SOX5: variants seen among roughly 807,000 people sequenced by gnomAD.
The protein encoded by SOX5 is transcription factor SOX-5.
A neutral mutation model predicts 92.0 loss-of-function variants in SOX5; 9 were observed. The ratio of observed to expected loss-of-function variants is 0.10; its 90% CI spans 0.06 to 0.17. The LOEUF (loss-of-function observed/expected upper bound fraction) is 0.17, where lower values mean the gene tolerates loss of function less well. Among genes scored for constraint, SOX5 ranks in the 10% least tolerant of loss-of-function variants. SOX5 has a pLI of 1.00. For synonymous variants in SOX5, 344 were observed against 336.3 expected (o/e 1.02, Z -0.25); for missense variants, 642 against 944.5 (o/e 0.68, Z 4.20).
At chr12:24,232,547 A>G (rs559982646) in intron 3 of SOX5, among the ~76,000 whole-genome samples, 1 of 152,222 alleles carries the variant, frequency 6.6e-6, no homozygotes, top group East Asian at 1.9e-4. Context: ...GATCATTAAG[A>G]TCAAAGTTGC....
At chr12:23,940,355 T>A (rs543503499) in intron 1 of SOX5, among the ~76,000 whole-genome samples, 1 of 151,296 alleles carries the variant, frequency 6.6e-6, no homozygotes, top group South Asian at 2.1e-4. Context: ...CTTGTTCCTG[T>A]GTAATGATAC....
chr12:24,347,765 A>G (rs552828266), intron 2 of SOX5, among the ~76,000 whole-genome samples: 1 of 152,328 alleles, frequency 6.6e-6, no homozygotes, highest in African/African-American at 2.4e-5. Flanking sequence ...GTATTAAACT[A>G]TCTGTCATGA....
intron 2 of SOX5, among the ~76,000 whole-genome samples, chr12:24,281,478 C>T (rs186400753): frequency 1.7e-4 from 26 of 152,310 alleles, no homozygotes; most frequent in South Asian, 6.2e-4. Flanking sequence ...CCATTTTCTA[C>T]GGCTGGGCCG....
intron 2 of SOX5, among the ~76,000 whole-genome samples, chr12:24,364,151 C>T (rs1393178170): frequency 6.6e-6 from 1 of 152,138 alleles, no homozygotes; most frequent in Non-Finnish European, 1.5e-5. Flanking sequence ...TTTTCTCCCT[C>T]TGTTCACTCC....
At chr12:24,253,270 C>CTTTTT (rs61584024) in intron 3 of SOX5, among the ~76,000 whole-genome samples, 1 of 137,472 alleles carries the variant, frequency 7.3e-6, no homozygotes. Context: ...ACGTGCACAT[C>CTTTTT]TTTTTTTTTT....
intron 10 of SOX5, among the ~76,000 whole-genome samples, chr12:23,569,812 G>GTGATT (rs1947828276): frequency 1.3e-5 from 2 of 152,184 alleles, no homozygotes. Flanking sequence ...TTGACAAGAT[G>GTGATT]AGTACTTCCC....
At chr12:24,161,095 T>C (rs1158952535) in intron 4 of SOX5, among the ~76,000 whole-genome samples, 1 of 152,110 alleles carries the variant, frequency 6.6e-6, no homozygotes, top group Non-Finnish European at 1.5e-5. Flanking sequence ...ACTCCAGATG[T>C]TCCTACGCTG....
At chr12:23,775,249 C>T (rs1431555380) in intron 3 of SOX5, among the ~76,000 whole-genome samples, 1 of 152,168 alleles carries the variant, frequency 6.6e-6, no homozygotes, top group Admixed American at 6.5e-5. Context: ...ATGCGCCTTG[C>T]ATGGTGCTGT....
At chr12:23,814,346 G>A (rs1033733580) in intron 3 of SOX5, among the ~76,000 whole-genome samples, 1 of 152,132 alleles carries the variant, frequency 6.6e-6, no homozygotes, top group Non-Finnish European at 1.5e-5. Context: ...TGGCCTATAG[G>A]AAACTATACT....
intron 13 of SOX5, among the ~76,000 whole-genome samples, chr12:23,536,914 G>A (rs1940622832): frequency 6.6e-6 from 1 of 151,582 alleles, no homozygotes; most frequent in African/African-American, 2.4e-5. Flanking sequence ...TTTGTATTAT[G>A]TCCCTTAAAG....
intron 4 of SOX5, among the ~76,000 whole-genome samples, chr12:23,965,099 C>A (rs577797884): frequency 6.6e-6 from 1 of 152,208 alleles, no homozygotes; most frequent in African/African-American, 2.4e-5. Flanking sequence ...GTGTGCCTGT[C>A]AGCCTTGACA....
At position 23,865,624 on chromosome 12, in the gene SOX5, G is replaced by A. The variant is rs901638865; in HGVS notation, c.271-19431C>T. 3.3e-5 allele frequency among the ~76,000 whole-genome samples: 5 copies of A among 151,592 alleles called. No homozygotes were observed. In the South Asian group the frequency reaches 8.3e-4, roughly 25 times the overall value. ...CGGGAGGCGGAGGTTGCAGTGAGCC[G>A]AGATCACACCACTGCATTCCCGCCT... is the stretch of plus-strand genomic sequence containing the variant. On this transcript the variant is annotated intron_variant, in intron 2 of 14. Transcript: ENST00000451604.
chr12:24,321,144 C>T (rs533406526), intron 2 of SOX5, among the ~76,000 whole-genome samples: 1 of 152,254 alleles, frequency 6.6e-6, no homozygotes, highest in African/African-American at 2.4e-5. Flanking sequence ...GATTATCAGA[C>T]AGGTTTATTC....
intron 4 of SOX5, among the ~76,000 whole-genome samples, chr12:24,015,646 AG>A (rs1435754905): frequency 6.6e-6 from 1 of 152,208 alleles, no homozygotes; most frequent in African/African-American, 2.4e-5. Flanking sequence ...AGCCAATGCC[AG>A]TGGGGCTGAT....
intron 4 of SOX5, among the ~76,000 whole-genome samples, chr12:24,159,382 A>C (rs1431976602): frequency 6.6e-6 from 1 of 152,018 alleles, no homozygotes. Context: ...AAATTGCTGA[A>C]AATAATTTGA....
At chr12:24,026,468 G>C (rs1377915258) in intron 4 of SOX5, among the ~76,000 whole-genome samples, 3 of 151,658 alleles carry the variant, frequency 2.0e-5, no homozygotes, top group Non-Finnish European at 2.9e-5. Context: ...GTTAAATTGT[G>C]GTCAGGTGTG....
rs143347086 is a variant in SOX5 at position 23,658,014 on chromosome 12, A to C, written c.931+7430T>G. ...TTTGCTTTTTTGTTTGCTTGTGTGTACGTATTTTGGTGGTGGCAGTGTGCA... is the reference window on the plus strand; with the variant it reads ...TTTGCTTTTTTGTTTGCTTGTGTGTCCGTATTTTGGTGGTGGCAGTGTGCA... On this transcript the variant is annotated intron_variant, in intron 7 of 14. Transcript: ENST00000451604. 3.7e-4 allele frequency among the ~76,000 whole-genome samples: 56 copies of C among 152,266 alleles called. 1 individual carries two copies. The highest frequency in any genetic ancestry group is 1.3e-3 in the African/African-American group (53 of 41,554).
chr12:24,504,449 G>C (rs963293000), intron 1 of SOX5, among the ~76,000 whole-genome samples: 1 of 152,112 alleles, frequency 6.6e-6, no homozygotes, highest in South Asian at 2.1e-4. Context: ...AATTTTTTAA[G>C]AGAAAAAGTC....
At chr12:24,106,752 A>G (rs1330096618) in intron 4 of SOX5, among the ~76,000 whole-genome samples, 1 of 150,692 alleles carries the variant, frequency 6.6e-6, no homozygotes, top group South Asian at 2.1e-4. Context: ...AGATCGTGCC[A>G]CTGCACTCCA....
Sources: gnomAD v4.1 joint callset for allele counts (sites outside exome capture counted in the v4.1 genomes callset) on GRCh38, gnomAD v4.1.1 for gene constraint, MANE v1.5 for transcripts, NCBI Gene and HGNC (gene_info 2026-07-23, HGNC 2026-07-21) for gene names.